Variants in HMBOX1 observed in about 807,000 individuals in gnomAD.
HMBOX1 encodes the protein homeobox containing 1.
HMBOX1 carries 14 observed loss-of-function variants against 54.5 expected under a neutral mutation model. That is an observed-to-expected ratio of 0.26 (90% CI 0.17 to 0.40). The LOEUF (loss-of-function observed/expected upper bound fraction) is 0.40. Ranked by LOEUF, HMBOX1 falls within the 10% of genes least tolerant of loss-of-function variation. The probability of loss-of-function intolerance (pLI) is 1.00; values close to 1 mark genes in which losing one functional copy is unlikely to be tolerated. For missense variants in HMBOX1, 332 were observed against 514.4 expected (o/e 0.65, Z 3.43); for synonymous variants, 160 against 181.0 (o/e 0.88, Z 0.93).
At chr8:28,918,708 C>T (rs1003169829) in intron 1 of HMBOX1, among the ~76,000 whole-genome samples, 4 of 152,172 alleles carry the variant, frequency 2.6e-5, no homozygotes, top group Non-Finnish European at 4.4e-5. Context: ...CATCATTTTA[C>T]CACCAGCACG....
chr8:29,013,408 A>G (rs1178469547), intron 5 of HMBOX1, among the ~76,000 whole-genome samples: 1 of 152,222 alleles, frequency 6.6e-6, no homozygotes, highest in Non-Finnish European at 1.5e-5. Context: ...TGCTGGGATT[A>G]TAGGCATGAG....
Position 28,942,465 on chromosome 8 carries a change from ACTGCCCCCATCC to A in HMBOX1, c.-57-21343_-57-21332del, listed in dbSNP as rs1431123532. ...AATGTATCCAGGGGACAGTCTCCTT[ACTGCCCCCATCC>A]CTCAGTTATTAAGTTCTCCTCCTTG... On this transcript the variant is annotated intron_variant, in intron 1 of 9. Coordinates refer to ENST00000287701, the MANE Select transcript of HMBOX1 (RefSeq NM_001135726.3). Among the ~76,000 whole-genome samples the A allele has an allele frequency of 2.5e-4, 38 of 152,368 alleles. 1 individual carries two copies. The highest frequency in any genetic ancestry group is 2.1e-3 in the East Asian group (11 of 5,186).
chr8:29,008,058 G>A (rs1833718171), intron 4 of HMBOX1, among the ~76,000 whole-genome samples: 1 of 152,122 alleles, frequency 6.6e-6, no homozygotes, highest in Non-Finnish European at 1.5e-5. Flanking sequence ...AACGGGACGA[G>A]TCGACACAGG....
At chr8:28,986,964 G>A (rs1830257348) in intron 4 of HMBOX1, among the ~76,000 whole-genome samples, 2 of 152,060 alleles carry the variant, frequency 1.3e-5, no homozygotes, top group South Asian at 4.1e-4. Context: ...TAATTTCGGA[G>A]GATATTTTTT....
chr8:28,982,110 G>A (rs1048268507), intron 4 of HMBOX1, among the ~76,000 whole-genome samples: 5 of 152,154 alleles, frequency 3.3e-5, no homozygotes, highest in African/African-American at 9.7e-5. Context: ...GCGGGCGCCT[G>A]TAGTCCCAGC....
intron 5 of HMBOX1, among the ~76,000 whole-genome samples, chr8:29,012,547 C>T (rs1292949903): frequency 6.6e-6 from 1 of 152,182 alleles, no homozygotes; most frequent in African/African-American, 2.4e-5. Flanking sequence ...AACACACACA[C>T]ATACACATGT....
chr8:28,978,498 G>A (rs1466242786), intron 3 of HMBOX1, among the ~76,000 whole-genome samples: 2 of 151,960 alleles, frequency 1.3e-5, no homozygotes, highest in African/African-American at 4.8e-5. Context: ...ATGAAGAGAC[G>A]TAGGCTGGGC....
chr8:29,011,063 C>T (rs1037874285), intron 5 of HMBOX1, among the ~76,000 whole-genome samples: 3 of 152,056 alleles, frequency 2.0e-5, no homozygotes, highest in Admixed American at 6.5e-5. Context: ...TAGGGAGGCA[C>T]GTACTAATGG....
Position 29,051,028 on chromosome 8 carries a change from C to T in HMBOX1, c.1136C>T (p.Thr379Met), listed in dbSNP as rs754452102. Residue 379 changes from threonine to methionine, a missense_variant, in exon 10 of 10, where the codon ACG (threonine) becomes ATG (methionine). Coordinates refer to ENST00000287701, the MANE Select transcript of HMBOX1 (RefSeq NM_001135726.3). The part of the protein sequence containing the change: ...GNDYSEQDDS[T>M]SHSDHQDPIS... ...TTTCTGCACATCTAGGATGACAGTA[C>T]GAGCCATAGTGACCACCAAGACCCC... 17 of 1,611,582 alleles carry T rather than the reference C, an allele frequency of 1.1e-5. No homozygotes were observed. Among genetic ancestry groups the T allele is most frequent in the South Asian group, 6.6e-5 (6 of 90,934 alleles).
rs11356150 is a variant in HMBOX1, at chr8:29,051,898, TAAAA to T, written c.*760_*763del. Reference sequence around the variant, plus strand: ...AACAAAGACAAAAACCAAAAGTCATTAAAAAAAAAAAAAAAAAAAACCCAGCTTG... The same window carrying T: ...AACAAAGACAAAAACCAAAAGTCATTAAAAAAAAAAAAAAAACCCAGCTTG... On this transcript the variant is annotated 3_prime_UTR_variant, in exon 10 of 10. Transcript: ENST00000287701. The T allele has an allele frequency of 4.5e-5, 6 of 131,972 alleles. No individual in the cohort carries two copies. Among genetic ancestry groups the T allele is most frequent in the Admixed American group, 8.4e-5 (1 of 11,934 alleles). The allele number at this position is 131,972 out of a possible 1,614,324, so 8.2% of individuals were successfully genotyped here. A position where few individuals can be genotyped will look rare whatever the true frequency, so the allele number is the denominator to read the frequency against.
intron 1 of HMBOX1, among the ~76,000 whole-genome samples, chr8:28,902,114 G>T (rs746210112): frequency 6.6e-6 from 1 of 152,124 alleles, no homozygotes; most frequent in Non-Finnish European, 1.5e-5. Flanking sequence ...ATATGAATTG[G>T]ATTCCTAGTT....
chr8:28,890,163 A>T, upstream of HMBOX1: 1 of 486,920 alleles, frequency 2.1e-6, no homozygotes. Context: ...CCACCCCAGC[A>T]TGATATCATG....
At chr8:29,036,259 G>C (rs1803848144) in intron 6 of HMBOX1, among the ~76,000 whole-genome samples, 1 of 152,132 alleles carries the variant, frequency 6.6e-6, no homozygotes, top group Non-Finnish European at 1.5e-5. Context: ...TTCATACATG[G>C]TGTCCATAAT....
intron 6 of HMBOX1, among the ~76,000 whole-genome samples, chr8:29,020,259 G>A (rs191341165): frequency 2.8e-4 from 43 of 152,120 alleles, no homozygotes; most frequent in African/African-American, 1.0e-3. Flanking sequence ...GTTTCTACCT[G>A]GTGCTAAGTT....
At chr8:28,965,192 G>A (rs1271110866) in intron 2 of HMBOX1, among the ~76,000 whole-genome samples, 5 of 152,180 alleles carry the variant, frequency 3.3e-5, no homozygotes, top group African/African-American at 1.2e-4. Flanking sequence ...TACATAGTAG[G>A]CATTCAATAA....
chr8:28,957,031 C>T (rs1257393801), intron 1 of HMBOX1, among the ~76,000 whole-genome samples: 2 of 152,128 alleles, frequency 1.3e-5, no homozygotes, highest in Non-Finnish European at 2.9e-5. Context: ...TTGGAGAGTC[C>T]TCAAAGAACC....
intron 1 of HMBOX1, among the ~76,000 whole-genome samples, chr8:28,950,784 A>G (rs1020088390): frequency 6.6e-6 from 1 of 152,236 alleles, no homozygotes; most frequent in Non-Finnish European, 1.5e-5. Flanking sequence ...AGAGTTTACC[A>G]GTTACTCACT....
intron 1 of HMBOX1, among the ~76,000 whole-genome samples, chr8:28,895,239 A>G (rs551775510): frequency 3.3e-5 from 5 of 152,340 alleles, no homozygotes; most frequent in South Asian, 4.1e-4. Flanking sequence ...TCATTACTGT[A>G]TACGTATTAA....
intron 4 of HMBOX1, among the ~76,000 whole-genome samples, chr8:29,003,484 T>TTG (rs942815888): frequency 1.4e-4 from 11 of 80,528 alleles, no homozygotes; most frequent in African/African-American, 3.6e-4. Flanking sequence ...AAACAACTGG[T>TTG]TGTGTGTGTG....
Sources: gnomAD v4.1 joint callset for allele counts (sites outside exome capture counted in the v4.1 genomes callset) on GRCh38, gnomAD v4.1.1 for gene constraint, MANE v1.5 for transcripts, NCBI Gene and HGNC (gene_info 2026-07-23, HGNC 2026-07-21) for gene names.